The following SPTLC2 variants were observed in gnomAD, a reference collection of about 807,000 sequenced individuals.
SPTLC2 encodes serine palmitoyltransferase 2.
Under a neutral mutation model 62.0 loss-of-function variants are expected in SPTLC2, and 21 were observed. The ratio of observed to expected loss-of-function variants is 0.34; its 90% CI spans 0.24 to 0.49. The LOEUF (loss-of-function observed/expected upper bound fraction) is 0.49. SPTLC2 is among the 20% of genes least tolerant of loss of function. SPTLC2 has a pLI of 0.99. For missense variants in SPTLC2, 511 were observed against 713.0 expected (o/e 0.72, Z 3.23); for synonymous variants, 261 against 261.8 (o/e 1.00, Z 0.03).
In SPTLC2 at chr14:77,554,109, T is replaced by C. The variant is rs532710902; in HGVS notation, c.1176+1191A>G. Among the ~76,000 whole-genome samples, 83 of 152,212 alleles carry C rather than the reference T, an allele frequency of 5.5e-4. 1 individual carries two copies. The highest frequency in any genetic ancestry group is 1.0e-3 in the Non-Finnish European group (71 of 68,044). ...CTGGGATTACAGGTGTGAGCTACTG[T>C]GCCCAGCATAACCATTCTTTAATAC... is the stretch of plus-strand genomic sequence containing the variant. On this transcript the variant is annotated intron_variant, in intron 8 of 11. Coordinates refer to ENST00000216484, the MANE Select transcript of SPTLC2 (RefSeq NM_004863.4).
intron 4 of SPTLC2, among the ~76,000 whole-genome samples, chr14:77,571,770 A>C (rs1383253988): frequency 1.3e-5 from 2 of 152,092 alleles, no homozygotes; most frequent in Non-Finnish European, 2.9e-5. Context: ...TGTGAGGATC[A>C]AAAGAGATAA....
chr14:77,529,750 G>T (rs1285570705), intron 9 of SPTLC2, among the ~76,000 whole-genome samples: 1 of 150,438 alleles, frequency 6.6e-6, no homozygotes, highest in South Asian at 2.1e-4. Context: ...AGCCTCCCAA[G>T]TAGCTGGGAT....
intron 2 of SPTLC2, among the ~76,000 whole-genome samples, chr14:77,585,135 G>A (rs78444789): frequency 1.4e-4 from 21 of 152,114 alleles, no homozygotes; most frequent in Admixed American, 5.9e-4. Flanking sequence ...CACTGCTCTC[G>A]CCCCTCCACA....
At chr14:77,540,777 T>C (rs1566774048) in intron 9 of SPTLC2, among the ~76,000 whole-genome samples, 1 of 152,118 alleles carries the variant, frequency 6.6e-6, no homozygotes, top group Non-Finnish European at 1.5e-5. Context: ...CCCAGCACAT[T>C]TTATTATTTT....
intron 9 of SPTLC2, among the ~76,000 whole-genome samples, chr14:77,542,027 A>G (rs775420480): frequency 3.8e-4 from 57 of 150,834 alleles, no homozygotes; most frequent in Non-Finnish European, 5.6e-4. Context: ...ACTGCACTCC[A>G]GCCTGGGCAA....
chr14:77,545,019 A>G (rs977781364), intron 9 of SPTLC2, among the ~76,000 whole-genome samples: 2 of 151,548 alleles, frequency 1.3e-5, no homozygotes, highest in African/African-American at 4.9e-5. Flanking sequence ...CCACTGGAAG[A>G]CCCCATTGCA....
chr14:77,537,842 T>C (rs1478912638), intron 9 of SPTLC2, among the ~76,000 whole-genome samples: 2 of 152,224 alleles, frequency 1.3e-5, no homozygotes, highest in African/African-American at 2.4e-5. Flanking sequence ...GCTAACTACA[T>C]GGTAAGCAGA....
chr14:77,519,212 G>A (rs937944226), intron 10 of SPTLC2, among the ~76,000 whole-genome samples: 4 of 151,960 alleles, frequency 2.6e-5, no homozygotes, highest in South Asian at 4.1e-4. Flanking sequence ...GATGATTTTC[G>A]TATTTTTAGT....
chr14:77,528,148 T>C (rs902967471), intron 9 of SPTLC2, among the ~76,000 whole-genome samples: 1 of 152,202 alleles, frequency 6.6e-6, no homozygotes, highest in Non-Finnish European at 1.5e-5. Flanking sequence ...ATAAAATTAC[T>C]GCTACTCCTC....
At chr14:77,557,204 C>A (rs991907263) in intron 6 of SPTLC2, 58 bp from the exon 7 acceptor site, 10 of 1,396,094 alleles carry the variant, frequency 7.2e-6, no homozygotes, top group Non-Finnish European at 1.0e-5. Context: ...AACTTTATTC[C>A]GGAAATGCAG....
chr14:77,605,872 C>G (rs2079902185), intron 1 of SPTLC2, among the ~76,000 whole-genome samples: 4 of 152,220 alleles, frequency 2.6e-5, no homozygotes, highest in Admixed American at 2.6e-4. Flanking sequence ...ACGGATCCCA[C>G]TCTTGGGATA....
At chr14:77,598,273 A>T (rs1337578200) in intron 1 of SPTLC2, among the ~76,000 whole-genome samples, 1 of 152,212 alleles carries the variant, frequency 6.6e-6, no homozygotes, top group Non-Finnish European at 1.5e-5. Flanking sequence ...ACTGCATAAG[A>T]ACACCACCTA....
chr14:77,557,725 T>C (rs1360553761), intron 6 of SPTLC2, among the ~76,000 whole-genome samples: 1 of 152,222 alleles, frequency 6.6e-6, no homozygotes, highest in Non-Finnish European at 1.5e-5. Context: ...TGTATAAGTC[T>C]GTGTGTTAAG....
intron 9 of SPTLC2, among the ~76,000 whole-genome samples, chr14:77,524,453 AAAG>A (rs1439417058): frequency 6.6e-6 from 1 of 152,168 alleles, no homozygotes; most frequent in Non-Finnish European, 1.5e-5. Context: ...AAAAAAAAAA[AAAG>A]TTTTTTCAAA....
At chr14:77,513,895 C>CA (rs35769140) in intron 11 of SPTLC2, among the ~76,000 whole-genome samples, 20,061 of 106,140 alleles carry the variant, frequency 0.19, 2,409 homozygotes, top group African/African-American at 0.32. Context: ...AACTCTGTCT[C>CA]AAAAAAAAAA....
chr14:77,521,878 T>A (rs2079386437), intron 9 of SPTLC2, among the ~76,000 whole-genome samples: 1 of 152,084 alleles, frequency 6.6e-6, no homozygotes, highest in East Asian at 1.9e-4. Context: ...ACTCCACAAA[T>A]CCCTTGACAG....
chr14:77,567,489 G>A (rs1236460070), intron 5 of SPTLC2, among the ~76,000 whole-genome samples: 1 of 152,230 alleles, frequency 6.6e-6, no homozygotes, highest in Admixed American at 6.5e-5. Context: ...TGTCTTACAA[G>A]GAATTTTGTG....
rs377233305 is a variant in SPTLC2 at position 77,521,565 on chromosome 14, T to C, written c.1320A>G (p.Gln440=). Residue 440 remains glutamine (Q), a synonymous_variant, in exon 10 of 12, where the codon CAA becomes CAG. Transcript: ENST00000216484. ...DGTSLGKECV[Q]QLAENTRYFR... ...AATACCTGGTGTTTTCAGCTAACTG[T>C]TGTACACACTCTTTACCTGGAAAGT... The C allele has an allele frequency of 2.7e-5, 43 of 1,613,948 alleles. No individual in the cohort carries two copies. Among genetic ancestry groups the C allele is most frequent in the Non-Finnish European group, 3.5e-5 (41 of 1,179,972 alleles).
chr14:77,586,078 C>CTTTTTT (rs57174185), intron 2 of SPTLC2, among the ~76,000 whole-genome samples: 1 of 137,482 alleles, frequency 7.3e-6, no homozygotes. Context: ...TTTCTTTTTT[C>CTTTTTT]TTTTTTTTTT....
Sources: allele counts gnomAD v4.1 joint callset (sites outside exome capture counted in the v4.1 genomes callset), GRCh38; gene constraint gnomAD v4.1.1; transcripts MANE v1.5; gene names NCBI Gene and HGNC (gene_info 2026-07-23, HGNC 2026-07-21).